Variants in MAGI2 observed in about 807,000 individuals in gnomAD.
MAGI2 encodes the protein membrane-associated guanylate kinase, WW and PDZ domain-containing protein 2.
Under a neutral mutation model 133.3 loss-of-function variants are expected in MAGI2, and 35 were observed. The ratio of observed to expected loss-of-function variants is 0.26; its 90% CI spans 0.20 to 0.35. The LOEUF is 0.35. Among genes scored for constraint, MAGI2 ranks in the 10% least tolerant of loss-of-function variants. MAGI2 has a pLI of 1.00. For missense variants in MAGI2, 1,636 were observed against 1,863.4 expected, an observed-to-expected ratio of 0.88 and a Z score of 2.25; for synonymous variants, 729 against 710.6, an observed-to-expected ratio of 1.03 and a Z score of -0.41.
At chr7:78,584,878 T>C (rs1018378892) in intron 3 of MAGI2, among the ~76,000 whole-genome samples, 4 of 152,210 alleles carry the variant, frequency 2.6e-5, no homozygotes, top group African/African-American at 9.7e-5. Context: ...TCAATTTCCT[T>C]ATCTATAAAA....
chr7:78,539,018 C>T (rs907313118), intron 3 of MAGI2, among the ~76,000 whole-genome samples: 1 of 152,138 alleles, frequency 6.6e-6, no homozygotes. Context: ...GCTAAGACTT[C>T]CAGTACTATG....
intron 2 of MAGI2, chr7:78,902,498 T>C (rs1797682557): frequency 6.6e-6 from 1 of 152,150 alleles, no homozygotes; most frequent in Non-Finnish European, 1.5e-5. Flanking sequence ...TTAACCTACC[T>C]CAGATCATAT....
intron 6 of MAGI2, among the ~76,000 whole-genome samples, chr7:78,453,015 A>G (rs1384866465): frequency 1.3e-5 from 2 of 152,042 alleles, no homozygotes; most frequent in African/African-American, 4.8e-5. Flanking sequence ...CTTGTAATGT[A>G]TATATCATCA....
intron 3 of MAGI2, among the ~76,000 whole-genome samples, chr7:78,553,293 TAA>T (rs1297539645): frequency 6.6e-6 from 1 of 152,146 alleles, no homozygotes; most frequent in East Asian, 1.9e-4. Context: ...GTTAATCATT[TAA>T]AAGTTTTCCG....
intron 2 of MAGI2, among the ~76,000 whole-genome samples, chr7:78,865,690 A>G (rs1050542619): frequency 2.6e-5 from 4 of 152,194 alleles, no homozygotes; most frequent in African/African-American, 9.7e-5. Context: ...TGAGAAAGAA[A>G]ATAGCATTTT....
At chr7:79,452,828 C>T in intron 1 of MAGI2, 192 bp downstream of exon 1, 3 of 612,986 alleles carry the variant, frequency 4.9e-6, no homozygotes, top group South Asian at 2.2e-5. Context: ...CACACCACAA[C>T]CTGCCCCTCC....
At chr7:79,028,687 T>C (rs1810269072) in intron 1 of MAGI2, among the ~76,000 whole-genome samples, 1 of 152,196 alleles carries the variant, frequency 6.6e-6, no homozygotes, top group Non-Finnish European at 1.5e-5. Flanking sequence ...AATTGATGAC[T>C]TAAATGATTC....
chr7:78,652,299 G>T (rs563591904), intron 2 of MAGI2, among the ~76,000 whole-genome samples: 82 of 152,066 alleles, frequency 5.4e-4, no homozygotes, highest in Non-Finnish European at 9.6e-4. Context: ...CATGGTGTTT[G>T]ACTTCCAAAT....
At chr7:78,134,579 C>G (rs1821906148) in intron 17 of MAGI2, 1 of 157,916 alleles carries the variant, frequency 6.3e-6, no homozygotes, top group Non-Finnish European at 1.4e-5. Context: ...TAAATGAGCT[C>G]TCCTTATACC....
chr7:79,326,774 T>G (rs1479784708), intron 1 of MAGI2, among the ~76,000 whole-genome samples: 1 of 151,886 alleles, frequency 6.6e-6, no homozygotes, highest in African/African-American at 2.4e-5. Flanking sequence ...AATAATGAAA[T>G]GGAGCAACTG....
At chr7:78,418,108 T>C (rs546120970) in intron 6 of MAGI2, among the ~76,000 whole-genome samples, 1 of 152,272 alleles carries the variant, frequency 6.6e-6, no homozygotes, top group South Asian at 2.1e-4. Flanking sequence ...GAGCTATCAT[T>C]GTGCCACTGC....
chr7:79,368,282 T>C (rs1239633882), intron 1 of MAGI2, among the ~76,000 whole-genome samples: 1 of 152,072 alleles, frequency 6.6e-6, no homozygotes, highest in East Asian at 1.9e-4. Context: ...GCAGAAATCC[T>C]AGTGAAAGCT....
At chr7:78,120,184 C>T (rs1820293374) in intron 20 of MAGI2, among the ~76,000 whole-genome samples, 1 of 152,082 alleles carries the variant, frequency 6.6e-6, no homozygotes, top group Non-Finnish European at 1.5e-5. Flanking sequence ...GGGCGGATCA[C>T]GAGGTCAGGA....
At chr7:79,200,291 G>A (rs1285779031) in intron 1 of MAGI2, among the ~76,000 whole-genome samples, 1 of 151,868 alleles carries the variant, frequency 6.6e-6, no homozygotes, top group Non-Finnish European at 1.5e-5. Flanking sequence ...AAAAGTTGCT[G>A]GAAAAATACC....
At chr7:79,343,801 G>A (rs1168531893) in intron 1 of MAGI2, among the ~76,000 whole-genome samples, 2 of 152,040 alleles carry the variant, frequency 1.3e-5, no homozygotes, top group Non-Finnish European at 2.9e-5. Flanking sequence ...CTAAAGTATG[G>A]ATTATAAAAC....
At chr7:78,296,386 C>G (rs529682312) in intron 9 of MAGI2, among the ~76,000 whole-genome samples, 1 of 152,156 alleles carries the variant, frequency 6.6e-6, no homozygotes, top group Non-Finnish European at 1.5e-5. Context: ...CTAGTATGCC[C>G]TTGCCTCACA....
At chr7:78,957,296 G>GA (rs923894582) in intron 2 of MAGI2, among the ~76,000 whole-genome samples, 4 of 133,872 alleles carry the variant, frequency 3.0e-5, no homozygotes, top group South Asian at 4.9e-4. Flanking sequence ...GAAAAGAAAA[G>GA]AAAAAAAAAT....
chr7:79,276,472 T>G (rs1275572898), intron 1 of MAGI2, among the ~76,000 whole-genome samples: 2 of 152,192 alleles, frequency 1.3e-5, no homozygotes, highest in Non-Finnish European at 2.9e-5. Context: ...CTCAGATGAT[T>G]GTTAGAATTT....
At chr7:78,275,252 T>C (rs969130494) in intron 9 of MAGI2, among the ~76,000 whole-genome samples, 1 of 152,196 alleles carries the variant, frequency 6.6e-6, no homozygotes, top group African/African-American at 2.4e-5. Flanking sequence ...CCACCCTGCT[T>C]TGGCTTGCCC....
Sources: gnomAD v4.1 joint callset for allele counts (sites outside exome capture counted in the v4.1 genomes callset) on GRCh38, gnomAD v4.1.1 for gene constraint, MANE v1.5 for transcripts, NCBI Gene and HGNC (gene_info 2026-07-23, HGNC 2026-07-21) for gene names.